Variants in MIDEAS observed in about 807,000 individuals in gnomAD.
MIDEAS encodes mitotic deacetylase-associated SANT domain protein.
Under a neutral mutation model 102.7 loss-of-function variants are expected in MIDEAS, and 26 were observed. The ratio of observed to expected loss-of-function variants is 0.25; its 90% CI spans 0.19 to 0.35. MIDEAS has a LOEUF of 0.35. Ranked by LOEUF, MIDEAS falls within the 10% of genes least tolerant of loss-of-function variation. The pLI, the probability that MIDEAS is intolerant of heterozygous loss-of-function variation, is 1.00. For missense variants in MIDEAS, 1,231 were observed against 1,435.6 expected, an observed-to-expected ratio of 0.86 and a Z score of 2.30; for synonymous variants, 585 against 591.0, an observed-to-expected ratio of 0.99 and a Z score of 0.15.
At position 73,780,927 on chromosome 14, in the gene MIDEAS, G is replaced by GT. The variant is rs1433085294; in HGVS notation, c.-248+6174dup. On this transcript the variant is annotated intron_variant, in intron 1 of 11. Transcript: ENST00000394071. ...CTTAAAGACCTCTTCTTCACCCCTA[G>GT]TTTTTTTTGTTTTTTTGTTGTTGTT... Among the ~76,000 whole-genome samples, 9 of 129,126 alleles carry GT rather than the reference G, an allele frequency of 7.0e-5. 1 individual carries two copies. Among genetic ancestry groups the GT allele is most frequent in the Admixed American group, 4.3e-4 (5 of 11,542 alleles). 84.7% of individuals were successfully genotyped at this position (129,126 alleles called of 152,430 possible).
chr14:73,769,267 A>G (rs1471561649), intron 1 of MIDEAS, among the ~76,000 whole-genome samples: 1 of 152,198 alleles, frequency 6.6e-6, no homozygotes, highest in Non-Finnish European at 1.5e-5. Context: ...GGAAGAGAGG[A>G]CTTGCCGTTT....
intron 1 of MIDEAS, among the ~76,000 whole-genome samples, chr14:73,741,068 A>C (rs1251281100): frequency 6.6e-6 from 1 of 152,220 alleles, no homozygotes; most frequent in Non-Finnish European, 1.5e-5. Flanking sequence ...CCAGGCCAAG[A>C]GCTGGTCAGC....
intron 1 of MIDEAS, among the ~76,000 whole-genome samples, chr14:73,765,617 C>T (rs150956832): frequency 4.9e-4 from 75 of 152,312 alleles, no homozygotes; most frequent in Middle Eastern, 3.4e-3. Context: ...CTTTCCCACA[C>T]GATCTGGCTC....
chr14:73,725,384 G>A lies in MIDEAS; in HGVS notation c.2486-24C>T. The A allele has an allele frequency of 1.2e-6, 2 of 1,604,068 alleles. No homozygotes were observed. Among genetic ancestry groups the A allele is most frequent in the Non-Finnish European group, 1.7e-6 (2 of 1,171,212 alleles). On this transcript the variant is annotated intron_variant, in intron 8 of 12. Transcript: ENST00000423556. The surrounding 1 kb of genome is among the most constrained non-coding windows in gnomAD (Gnocchi z 4.1). ...GCCTATGGGGCAAAGAGGCAGCCAG[G>A]GAGTGAGGTGGGCAGGGCCCTGGCC...
chr14:73,719,405 A>T lies in MIDEAS; in HGVS notation c.3034T>A (p.Ser1012Thr), dbSNP rs143590459. ...TCTGAAAAAGGTAGTGCCCTTCGTGACTTCCCTGTCCCTTCCCTTGGCTTC... is the reference window on the plus strand; with the variant it reads ...TCTGAAAAAGGTAGTGCCCTTCGTGTCTTCCCTGTCCCTTCCCTTGGCTTC... ...SEKPREGTGK[S>T]RRALPFSEKK... The change falls in exon 12 of 13, where the codon TCA (serine) becomes ACA (threonine). Residue 1012 changes from serine (S) to threonine (T), a missense_variant. Physicochemically the swap from Ser to Thr is moderately conservative, Grantham distance 58 (BLOSUM62 1). Transcript: ENST00000423556. The T allele has an allele frequency of 4.3e-6, 7 of 1,613,940 alleles. No homozygotes were observed. Among genetic ancestry groups the T allele is most frequent in the Non-Finnish European group, 5.9e-6 (7 of 1,179,974 alleles).
intron 9 of MIDEAS, 68 bp from the exon 10 acceptor site, chr14:73,722,915 CT>C: frequency 1.3e-6 from 2 of 1,558,918 alleles, no homozygotes; most frequent in Non-Finnish European, 1.7e-6. Flanking sequence ...AGAATCCAGC[CT>C]TTCTCGTCCC....
chr14:73,767,591 C>T (rs10145740), intron 1 of MIDEAS, among the ~76,000 whole-genome samples: 41,555 of 151,476 alleles, frequency 0.27, 5,875 homozygotes, highest in Middle Eastern at 0.39. Context: ...TGAGCTATGA[C>T]TGCACCACTG....
chr14:73,782,639 A>C (rs2053767541), intron 1 of MIDEAS, among the ~76,000 whole-genome samples: 1 of 152,138 alleles, frequency 6.6e-6, no homozygotes, highest in Non-Finnish European at 1.5e-5. Flanking sequence ...TGTCTTCACA[A>C]GTCTTGCCTG....
chr14:73,740,889 A>T (rs1296410817), intron 1 of MIDEAS, among the ~76,000 whole-genome samples: 1 of 152,274 alleles, frequency 6.6e-6, no homozygotes, highest in Non-Finnish European at 1.5e-5. Flanking sequence ...TTGTAGAGTC[A>T]GGGGCCCAGG....
chr14:73,748,028 C>T (rs1218358801), intron 1 of MIDEAS, among the ~76,000 whole-genome samples: 1 of 152,192 alleles, frequency 6.6e-6, no homozygotes, highest in Non-Finnish European at 1.5e-5. Flanking sequence ...AAGTCCATTG[C>T]AGGCAGCATT....
chr14:73,732,274 C>T (rs780314466), intron 3 of MIDEAS, among the ~76,000 whole-genome samples: 1 of 152,064 alleles, frequency 6.6e-6, no homozygotes, highest in South Asian at 2.1e-4. Context: ...AATCTGGACT[C>T]GATGTGCAAA....
intron 1 of MIDEAS, among the ~76,000 whole-genome samples, chr14:73,779,394 C>CA (rs35902307): frequency 0.4 from 41,302 of 104,032 alleles, 8,528 homozygotes; most frequent in East Asian, 0.7. Context: ...GATTCCATCT[C>CA]AAAAAAAAAA....
Position 73,779,784 on chromosome 14 carries a change from A to G in MIDEAS, c.-248+7318T>C, listed in dbSNP as rs540656816. ...AGTAGAGACGGGGTTTCACCTTGTT[A>G]GCCAGGATGGTCTCGATCTCCTGAC... On this transcript the variant is annotated intron_variant, in intron 1 of 11. Transcript: ENST00000394071. Among the ~76,000 whole-genome samples, 563 of 142,312 alleles carry G rather than the reference A, an allele frequency of 4.0e-3. 13 individuals carry two copies. The highest frequency in any genetic ancestry group is 0.033 in the Admixed American group (472 of 14,154). 93.4% of individuals were successfully genotyped at this position (142,312 alleles called of 152,430 possible). A position where few individuals can be genotyped will look rare whatever the true frequency, so the allele number is the denominator to read the frequency against.
intron 1 of MIDEAS, among the ~76,000 whole-genome samples, chr14:73,770,194 G>A (rs1242399067): frequency 6.6e-6 from 1 of 152,092 alleles, no homozygotes; most frequent in Non-Finnish European, 1.5e-5. Flanking sequence ...CATGTTAAGT[G>A]ACAAAATCAG....
rs560847061 is a variant in MIDEAS, at chr14:73,752,335, A to G, written c.-248+7428T>C. Among the ~76,000 whole-genome samples, 3 of 152,096 alleles carry G rather than the reference A, an allele frequency of 2.0e-5. No homozygotes were observed. In the South Asian group the frequency reaches 6.2e-4, roughly 32 times the overall value. On this transcript the variant is annotated intron_variant, in intron 1 of 12. Transcript: ENST00000423556. ...ATGTTCTCACACTTAGCACCCCTAG[A>G]CCTGGCATTGCCAGGTCCTTGACAT...
intron 1 of MIDEAS, among the ~76,000 whole-genome samples, chr14:73,766,702 G>A (rs1234333574): frequency 6.6e-6 from 1 of 151,272 alleles, no homozygotes; most frequent in African/African-American, 2.4e-5. Context: ...GGCAGCTGTC[G>A]CCATGCCCAG....
At chr14:73,749,455 G>C (rs117097314) in intron 1 of MIDEAS, among the ~76,000 whole-genome samples, 3 of 150,750 alleles carry the variant, frequency 2.0e-5, no homozygotes, top group Non-Finnish European at 2.9e-5. Flanking sequence ...AGGATTGCTC[G>C]GGCCCAGGAG....
At chr14:73,771,003 A>T (rs2053637521) in intron 1 of MIDEAS, among the ~76,000 whole-genome samples, 1 of 152,138 alleles carries the variant, frequency 6.6e-6, no homozygotes, top group Non-Finnish European at 1.5e-5. Context: ...TGGGGCATCT[A>T]GGAATAAACA....
chr14:73,769,103 C>T (rs1394318831), intron 1 of MIDEAS, among the ~76,000 whole-genome samples: 2 of 152,230 alleles, frequency 1.3e-5, no homozygotes, highest in Non-Finnish European at 2.9e-5. Flanking sequence ...TGTGGCTCCT[C>T]CCAGGGTCTC....
Sources: gnomAD v4.1 joint callset for allele counts (sites outside exome capture counted in the v4.1 genomes callset) on GRCh38, gnomAD v4.1.1 for gene constraint, Gnocchi (gnomAD v3.1) non-coding constraint, MANE v1.5 for transcripts, NCBI Gene and HGNC (gene_info 2026-07-23, HGNC 2026-07-21) for gene names.